The following INTS7 variants were observed in gnomAD, a reference collection of about 807,000 sequenced individuals.
INTS7 encodes chromosome 1 open reading frame 73.
Under a neutral mutation model 109.2 loss-of-function variants are expected in INTS7, and 46 were observed. The ratio of observed to expected loss-of-function variants is 0.42; its 90% CI spans 0.33 to 0.54. The LOEUF (loss-of-function observed/expected upper bound fraction) is 0.54, where lower values mean the gene tolerates loss of function less well. INTS7 is among the 20% of genes least tolerant of loss of function. The pLI, the probability that INTS7 is intolerant of heterozygous loss-of-function variation, is 0.07. For missense variants in INTS7, 929 were observed against 1,132.4 expected (o/e 0.82, Z 2.58); for synonymous variants, 412 against 402.9 (o/e 1.02, Z -0.27).
intron 19 of INTS7, among the ~76,000 whole-genome samples, chr1:211,943,460 C>T (rs1028442802): frequency 7.2e-5 from 11 of 152,066 alleles, no homozygotes; most frequent in African/African-American, 1.9e-4. Context: ...TATGTAAATT[C>T]TCATTACAAC....
intron 8 of INTS7, among the ~76,000 whole-genome samples, chr1:211,986,228 T>A (rs904537960): frequency 6.6e-6 from 1 of 151,894 alleles, no homozygotes; most frequent in Non-Finnish European, 1.5e-5. Context: ...ATTTCTAGCA[T>A]GTGAATGAGG....
intron 1 of INTS7, among the ~76,000 whole-genome samples, chr1:212,025,253 A>G (rs901477965): frequency 6.6e-6 from 1 of 152,230 alleles, no homozygotes; most frequent in African/African-American, 2.4e-5. Flanking sequence ...TTACTGTATC[A>G]TTCTATTTTA....
rs997174083 is a variant in INTS7, at chr1:211,942,708, C to T, written c.2602-597G>A. ...CTCATTTAATAAGCACTGTTTTGTT[C>T]AGACTGGAAGTACAATATGTTATAA... On this transcript the variant is annotated intron_variant, in intron 19 of 19. Transcript: ENST00000366994. The surrounding 1 kb of genome is among the most constrained non-coding windows in gnomAD (Gnocchi z 4.2). Among the ~76,000 whole-genome samples, 4 of 152,248 alleles carry T rather than the reference C, an allele frequency of 2.6e-5. No individual in the cohort carries two copies. Among genetic ancestry groups the T allele is most frequent in the Non-Finnish European group, 5.9e-5 (4 of 68,020 alleles).
At chr1:212,007,560 CTAATA>C (rs1665984607) in intron 5 of INTS7, 111 bp from the exon 6 acceptor site, 1 of 681,118 alleles carries the variant, frequency 1.5e-6, no homozygotes, top group South Asian at 1.7e-5. Context: ...ACACAGTATA[CTAATA>C]TATTTATAAC....
At chr1:211,984,421 C>A (rs1480497731) in intron 8 of INTS7, among the ~76,000 whole-genome samples, 1 of 152,018 alleles carries the variant, frequency 6.6e-6, no homozygotes, top group African/African-American at 2.4e-5. Context: ...ACCAGCATGA[C>A]CTTACTGTTA....
Position 211,941,699 on chromosome 1 carries a change from C to T in INTS7, c.*125G>A. 2 of 1,410,546 alleles carry T rather than the reference C, an allele frequency of 1.4e-6. No homozygotes were observed. The highest frequency in any genetic ancestry group is 2.9e-5 in the South Asian group (2 of 70,172). The allele number at this position is 1,410,546 out of a possible 1,614,324, so 87.4% of individuals were successfully genotyped here. Reference sequence around the variant, plus strand: ...AAACAAAATTTTTTCCAGAATATTACATTACAAAAATCAATGAATAAATGA... The same window carrying T: ...AAACAAAATTTTTTCCAGAATATTATATTACAAAAATCAATGAATAAATGA... On this transcript the variant is annotated 3_prime_UTR_variant, in exon 20 of 20. Coordinates refer to ENST00000366994, the MANE Select transcript of INTS7 (RefSeq NM_015434.4).
In INTS7 at chr1:211,942,998, C is replaced by T. The variant is rs932472797; in HGVS notation, c.2602-887G>A. 6.6e-6 allele frequency among the ~76,000 whole-genome samples: 1 copy of T among 152,178 alleles called. No individual in the cohort carries two copies. Among genetic ancestry groups the T allele is most frequent in the Admixed American group, 6.5e-5 (1 of 15,274 alleles). On this transcript the variant is annotated intron_variant, in intron 19 of 19. Transcript: ENST00000366994. The surrounding 1 kb of genome is among the most constrained non-coding windows in gnomAD (Gnocchi z 4.2). The stretch of plus-strand genomic sequence containing the variant: ...GTCTCAAGGAGCAGTTATCATGTCA[C>T]TTTTCCAGAGACATTTACCTGTAAT...
intron 7 of INTS7, among the ~76,000 whole-genome samples, chr1:211,990,504 T>C (rs1424634110): frequency 6.6e-6 from 1 of 152,202 alleles, no homozygotes; most frequent in Non-Finnish European, 1.5e-5. Context: ...AGAGATGACA[T>C]ATTTCACTCA....
intron 13 of INTS7, among the ~76,000 whole-genome samples, chr1:211,969,675 T>C (rs1405636417): frequency 6.6e-6 from 1 of 150,500 alleles, no homozygotes; most frequent in Non-Finnish European, 1.5e-5. Context: ...CCCACCTGAG[T>C]TTCCCAAGTA....
rs1049070506 is a variant in INTS7 at position 211,967,827 on chromosome 1, A to C, written c.2114+51T>G. 3.1e-6 allele frequency: 3 copies of C among 975,676 alleles called. No homozygotes were observed. The African/African-American group carries it at 4.9e-5, about 16-fold the overall frequency. 60.4% of individuals were successfully genotyped at this position (975,676 alleles called of 1,614,324 possible). On this transcript the variant is annotated intron_variant, in intron 15 of 19. Coordinates refer to ENST00000366994, the MANE Select transcript of INTS7 (RefSeq NM_015434.4). ...AGCATATCTGAGGTAGTCCGTATTT[A>C]AAAGAATACTTCCAAAAAGAACAAG...
chr1:212,012,106 G>A lies in INTS7; in HGVS notation c.510-685C>T, dbSNP rs80001166. Among the ~76,000 whole-genome samples, 63 of 152,254 alleles carry A rather than the reference G, an allele frequency of 4.1e-4. No individual in the cohort carries two copies. In the East Asian group the frequency reaches 0.012, roughly 28 times the overall value. On this transcript the variant is annotated intron_variant, in intron 4 of 19. Transcript: ENST00000366994. ...CTGGTGCCATGGGGCACTTTAGATG[G>A]AGTGGACGTGCTTCAGTTCACCACA... is the stretch of plus-strand genomic sequence containing the variant.
chr1:211,996,427 C>T (rs1036990072), intron 7 of INTS7, among the ~76,000 whole-genome samples: 1 of 150,236 alleles, frequency 6.7e-6, no homozygotes, highest in Non-Finnish European at 1.5e-5. Context: ...ATCTCAAAAA[C>T]AAAGCAAAAC....
At chr1:211,949,690 G>A (rs556362257) in intron 17 of INTS7, among the ~76,000 whole-genome samples, 1 of 151,960 alleles carries the variant, frequency 6.6e-6, no homozygotes, top group Non-Finnish European at 1.5e-5. Context: ...TCTATATTAA[G>A]CACTTCTCTC....
At position 211,940,882 on chromosome 1, in the gene INTS7, T is replaced by A. The variant is rs1210772319; in HGVS notation, c.*942A>T. On this transcript the variant is annotated 3_prime_UTR_variant, in exon 20 of 20. Coordinates refer to ENST00000366994, the MANE Select transcript of INTS7 (RefSeq NM_015434.4). Reference sequence around the variant, plus strand: ...GAAACAATGTGAAATGTCTGTATTATACACAGTTGCAGACACATCAGAAAA... The same window carrying A: ...GAAACAATGTGAAATGTCTGTATTAAACACAGTTGCAGACACATCAGAAAA... 2 of 152,258 alleles carry A rather than the reference T, an allele frequency of 1.3e-5. No homozygotes were observed. The highest frequency in any genetic ancestry group is 4.8e-5 in the African/African-American group (2 of 41,472). The allele number at this position is 152,258 out of a possible 1,614,324, so 9.4% of individuals were successfully genotyped here.
At chr1:212,016,829 C>G (rs1666465468) in intron 4 of INTS7, 57 bp downstream of exon 4, 1 of 1,468,884 alleles carries the variant, frequency 6.8e-7, no homozygotes, top group East Asian at 2.5e-5. Flanking sequence ...GTTTTTCCTT[C>G]AAAAATTTTT....
chr1:211,969,155 G>A (rs1331944134), intron 13 of INTS7, among the ~76,000 whole-genome samples: 1 of 151,786 alleles, frequency 6.6e-6, no homozygotes, highest in Non-Finnish European at 1.5e-5. Context: ...CGTTGTGGCG[G>A]GTGCCTGTAG....
chr1:212,021,208 T>C lies in INTS7; in HGVS notation c.99A>G (p.Leu33=), dbSNP rs1241573907. ...NSALMELDKG[L]RSGKLGEQCE... ...ACTGTTCACCAAGTTTGCCAGATCT[T>C]AGGCCTATGGAAAAAAAAAAGCACA... is the stretch of plus-strand genomic sequence containing the variant. The change falls in exon 2 of 20, where the codon CTA becomes CTG. Residue 33 remains leucine, a synonymous_variant. Coordinates refer to ENST00000366994, the MANE Select transcript of INTS7 (RefSeq NM_015434.4). 2 of 1,598,426 alleles carry C rather than the reference T, an allele frequency of 1.3e-6. No individual in the cohort carries two copies. Among genetic ancestry groups the C allele is most frequent in the Non-Finnish European group, 1.7e-6 (2 of 1,175,510 alleles).
At chr1:211,956,474 A>G (rs542675057) in intron 16 of INTS7, among the ~76,000 whole-genome samples, 1 of 152,322 alleles carries the variant, frequency 6.6e-6, no homozygotes, top group African/African-American at 2.4e-5. Flanking sequence ...ATTTTTGTCT[A>G]TGCTAATGAA....
At chr1:212,018,623 A>G (rs1666550390) in intron 3 of INTS7, among the ~76,000 whole-genome samples, 1 of 152,090 alleles carries the variant, frequency 6.6e-6, no homozygotes, top group Admixed American at 6.5e-5. Flanking sequence ...TGTTAACAGT[A>G]TATATTCCTC....
Sources: gnomAD v4.1 joint callset for allele counts (sites outside exome capture counted in the v4.1 genomes callset) on GRCh38, gnomAD v4.1.1 for gene constraint, Gnocchi (gnomAD v3.1) non-coding constraint, MANE v1.5 for transcripts, NCBI Gene and HGNC (gene_info 2026-07-23, HGNC 2026-07-21) for gene names.